The following COL14A1 variants were observed in gnomAD, a reference collection of about 807,000 sequenced individuals.
COL14A1 encodes the protein collagen alpha-1(XIV) chain.
COL14A1 carries 136 observed loss-of-function variants against 230.3 expected under a neutral mutation model. That is an observed-to-expected ratio of 0.59 (90% CI 0.51 to 0.68). COL14A1 has a LOEUF of 0.68. COL14A1 is among the 30% of genes least tolerant of loss of function. The pLI is 0.00. For missense variants in COL14A1, 1,976 were observed against 2,215.8 expected (o/e 0.89, Z 2.17); for synonymous variants, 792 against 784.1 (o/e 1.01, Z -0.17).
chr8:120,347,046 C>T (rs1327136199), intron 45 of COL14A1, among the ~76,000 whole-genome samples: 2 of 152,170 alleles, frequency 1.3e-5, no homozygotes, highest in South Asian at 2.1e-4. Context: ...GCAGGGCATC[C>T]TCTGCTGCTG....
At chr8:120,174,285 T>C (rs1816204028) in intron 5 of COL14A1, among the ~76,000 whole-genome samples, 1 of 151,844 alleles carries the variant, frequency 6.6e-6, no homozygotes, top group Non-Finnish European at 1.5e-5. Context: ...TGCCACTTGA[T>C]GCTTAAACAA....
At chr8:120,159,440 G>A (rs1815585994) in intron 3 of COL14A1, among the ~76,000 whole-genome samples, 1 of 151,922 alleles carries the variant, frequency 6.6e-6, no homozygotes. Context: ...ATACATATTT[G>A]TATAATATAT....
chr8:120,227,300 C>T lies in COL14A1; in HGVS notation c.2085C>T (p.Ala695=), dbSNP rs778447110. 23 of 1,613,822 alleles carry T rather than the reference C, an allele frequency of 1.4e-5. No individual in the cohort carries two copies. Among genetic ancestry groups the T allele is most frequent in the African/African-American group, 1.1e-4 (8 of 74,864 alleles). ...CGGAGTATGAAGTTTCACTATTGGC[C>T]GTACTTGATGATGGAAGCGAGAGTG... ...PGTEYEVSLL[A]VLDDGSESEV... Residue 695 remains alanine (A), a synonymous_variant, in exon 17 of 48, where the codon GCC becomes GCT. Transcript: ENST00000297848.
chr8:120,144,015 G>C (rs1815005504), intron 1 of COL14A1, among the ~76,000 whole-genome samples: 1 of 151,952 alleles, frequency 6.6e-6, no homozygotes, highest in Non-Finnish European at 1.5e-5. Context: ...TTGCAATTAG[G>C]TAACTTCAAT....
At chr8:120,170,477 G>A (rs1007240809) in intron 5 of COL14A1, among the ~76,000 whole-genome samples, 1 of 151,984 alleles carries the variant, frequency 6.6e-6, no homozygotes, top group Non-Finnish European at 1.5e-5. Context: ...TATTATTGAT[G>A]TCTAATTATT....
chr8:120,316,058 T>C, intron 40 of COL14A1, 61 bp downstream of exon 40: 2 of 1,544,266 alleles, frequency 1.3e-6, no homozygotes, highest in Non-Finnish European at 1.8e-6. Context: ...AGGTCACTCT[T>C]ATTGCTGACA....
intron 5 of COL14A1, among the ~76,000 whole-genome samples, chr8:120,196,076 C>G (rs779266082): frequency 1.3e-5 from 2 of 152,126 alleles, no homozygotes; most frequent in Admixed American, 1.3e-4. Flanking sequence ...ACATAGGTAC[C>G]ATGGCCACTG....
chr8:120,124,753 A>G (rs1003279007), upstream of COL14A1, among the ~76,000 whole-genome samples: 51 of 152,262 alleles, frequency 3.3e-4, no homozygotes, highest in African/African-American at 1.1e-3. Flanking sequence ...GGAAGTGGGC[A>G]CACAGCACCT....
intron 46 of COL14A1, among the ~76,000 whole-genome samples, chr8:120,368,782 C>G (rs1234435513): frequency 6.6e-6 from 1 of 152,112 alleles, no homozygotes; most frequent in Admixed American, 6.5e-5. Flanking sequence ...CAATTTCACA[C>G]TCATACAAAT....
intron 37 of COL14A1, among the ~76,000 whole-genome samples, chr8:120,311,137 T>C (rs1255261410): frequency 6.6e-6 from 1 of 152,206 alleles, no homozygotes; most frequent in Non-Finnish European, 1.5e-5. Context: ...CAATCCAAAA[T>C]TCAGACCATA....
In COL14A1 at chr8:120,373,262, G is replaced by A. The variant is rs2130421765; in HGVS notation, c.*2031G>A. ...TCCATTCACATCATTCTTGAGTTGT[G>A]CAAATACACTTGGCTTTGATTTCAC... On this transcript the variant is annotated 3_prime_UTR_variant, in exon 48 of 48. Coordinates refer to ENST00000297848, the MANE Select transcript of COL14A1 (RefSeq NM_021110.4). Among the ~76,000 whole-genome samples the A allele has an allele frequency of 6.6e-6, 1 of 152,252 alleles. No homozygotes were observed. Among genetic ancestry groups the A allele is most frequent in the Non-Finnish European group, 1.5e-5 (1 of 68,022 alleles).
chr8:120,286,044 T>G (rs1022311042), intron 33 of COL14A1, 74 bp downstream of exon 33: 7 of 866,218 alleles, frequency 8.1e-6, no homozygotes, highest in Admixed American at 4.4e-5. Context: ...AACAATTCCA[T>G]AGGGCTTTGG....
At position 120,194,733 on chromosome 8, in the gene COL14A1, AT is replaced by A. The variant is rs548744259; in HGVS notation, c.437-2057del. The stretch of plus-strand genomic sequence containing the variant: ...TATCCACATGGTTCCCAATTAATTT[AT>A]AAGTGAAATAATATCCCCAGTAGTT... On this transcript the variant is annotated intron_variant, in intron 5 of 47. Coordinates refer to ENST00000297848, the MANE Select transcript of COL14A1 (RefSeq NM_021110.4). 1.9e-3 allele frequency among the ~76,000 whole-genome samples: 283 copies of A among 152,306 alleles called. 3 individuals carry two copies. Among genetic ancestry groups the A allele is most frequent in the African/African-American group, 6.6e-3 (276 of 41,560 alleles).
rs774768443 is a variant in COL14A1 at position 120,250,774 on chromosome 8, C to A, written c.2752+8C>A. The A allele has an allele frequency of 3.7e-6, 6 of 1,613,492 alleles. No homozygotes were observed. The African/African-American group carries it at 8.0e-5, about 22-fold the overall frequency. ...CAGGCATGGTGAAAACATGTAAGAG[C>A]CATTTCCGATGGCCTCAGCCGCATA... On this transcript the variant is annotated splice_region_variant and intron_variant, in intron 22 of 47. Coordinates refer to ENST00000297848, the MANE Select transcript of COL14A1 (RefSeq NM_021110.4).
In COL14A1 at chr8:120,280,731, G is replaced by A; in HGVS notation, c.3667G>A (p.Asp1223Asn). Reference sequence around the variant, plus strand: ...TCCAGCCTGTCCAGTGGTACACAAGGATGGCATTGATCTTGCAGGTATGCA... The same window carrying A: ...TCCAGCCTGTCCAGTGGTACACAAGAATGGCATTGATCTTGCAGGTATGCA... ...ASATCPVVHK[D>N]GIDLAGFKMM... The change falls in exon 30 of 48, where the codon GAT (aspartate) becomes AAT (asparagine). Residue 1223 changes from aspartate (D) to asparagine (N), a missense_variant. Asp to Asn is a conservative substitution (Grantham distance 23). This residue lies in a region of COL14A1 where 1,791 missense variants were observed against 2,019.5 expected (regional missense o/e 0.89). Transcript: ENST00000297848. 1 of 1,613,426 alleles carries A rather than the reference G, an allele frequency of 6.2e-7. No individual in the cohort carries two copies. The highest frequency in any genetic ancestry group is 1.1e-5 in the South Asian group (1 of 90,948).
At chr8:120,279,406 A>G (rs1819966161) in intron 28 of COL14A1, among the ~76,000 whole-genome samples, 2 of 152,106 alleles carry the variant, frequency 1.3e-5, no homozygotes, top group Admixed American at 1.3e-4. Flanking sequence ...CAGCCTCTTA[A>G]TCTGTAAAAT....
chr8:120,178,138 G>A (rs1816345569), intron 5 of COL14A1, among the ~76,000 whole-genome samples: 1 of 152,094 alleles, frequency 6.6e-6, no homozygotes, highest in African/African-American at 2.4e-5. Context: ...AGAACGTGCA[G>A]TTTTGTTACG....
At chr8:120,283,084 T>A (rs921110368) in intron 31 of COL14A1, among the ~76,000 whole-genome samples, 1 of 151,998 alleles carries the variant, frequency 6.6e-6, no homozygotes, top group African/African-American at 2.4e-5. Flanking sequence ...GCCAAGACAA[T>A]TTCTGAAGGG....
At chr8:120,154,287 G>A (rs1480910082) in intron 2 of COL14A1, among the ~76,000 whole-genome samples, 1 of 152,182 alleles carries the variant, frequency 6.6e-6, no homozygotes, top group Non-Finnish European at 1.5e-5. Context: ...TTATGAAACA[G>A]AATTTCGTAA....
Sources: allele counts gnomAD v4.1 joint callset (sites outside exome capture counted in the v4.1 genomes callset), GRCh38; gene constraint gnomAD v4.1.1; regional missense constraint gnomAD v4.1.1; transcripts MANE v1.5; gene names NCBI Gene and HGNC (gene_info 2026-07-23, HGNC 2026-07-21).